STAG1: variants seen among roughly 807,000 people sequenced by gnomAD.
The protein encoded by STAG1 is STAG1 cohesin complex component, also known as cohesin subunit SA-1.
In STAG1, 26 loss-of-function variants were observed where a neutral mutation model predicts 170.9. The observed-to-expected ratio is 0.15, with a 90% CI of 0.11 to 0.21. STAG1 has a LOEUF of 0.21. STAG1 is among the 10% of genes least tolerant of loss of function. The pLI is 1.00. For missense variants in STAG1, 964 were observed against 1,509.5 expected (o/e 0.64, Z 5.99); for synonymous variants, 514 against 497.7 (o/e 1.03, Z -0.44).
At chr3:136,665,193 G>A (rs1941714579) in intron 1 of STAG1, among the ~76,000 whole-genome samples, 1 of 152,158 alleles carries the variant, frequency 6.6e-6, no homozygotes, top group African/African-American at 2.4e-5. Flanking sequence ...ATCTAGATGT[G>A]AGATTAAGGA....
At chr3:136,682,564 T>C (rs756989176) in intron 1 of STAG1, among the ~76,000 whole-genome samples, 4 of 151,850 alleles carry the variant, frequency 2.6e-5, no homozygotes, top group Admixed American at 6.6e-5. Flanking sequence ...ATACAAAAAT[T>C]ACCAAAAATT....
At chr3:136,398,863 A>T in intron 21 of STAG1, 34 bp from the exon 22 acceptor site, 1 of 1,309,390 alleles carries the variant, frequency 7.6e-7, no homozygotes. Context: ...TTTTAATGAA[A>T]AATTCAAAAA....
chr3:136,718,796 G>C (rs112689328), intron 1 of STAG1, among the ~76,000 whole-genome samples: 5 of 151,912 alleles, frequency 3.3e-5, no homozygotes, highest in African/African-American at 1.2e-4. Flanking sequence ...GTGTGGTGGG[G>C]GGGGCCTGTA....
intron 5 of STAG1, among the ~76,000 whole-genome samples, chr3:136,561,914 T>A (rs1289694232): frequency 6.6e-6 from 1 of 152,118 alleles, no homozygotes; most frequent in Non-Finnish European, 1.5e-5. Context: ...CCACCCAAAT[T>A]CTTCAGATGT....
rs1937522915 is a variant in STAG1, at chr3:136,375,003, G to A, written c.2370+2657C>T. ...ATAATTATCTATACTACTCAGTATAGTATTATACAGTACAGGATCATAGCC... is the reference window on the plus strand; with the variant it reads ...ATAATTATCTATACTACTCAGTATAATATTATACAGTACAGGATCATAGCC... On this transcript the variant is annotated intron_variant, in intron 23 of 33. Transcript: ENST00000383202. Among the ~76,000 whole-genome samples, 3 of 152,180 alleles carry A rather than the reference G, an allele frequency of 2.0e-5. No individual in the cohort carries two copies. The South Asian group carries it at 6.2e-4, about 32-fold the overall frequency.
intron 1 of STAG1, among the ~76,000 whole-genome samples, chr3:136,672,475 T>A (rs534806894): frequency 6.6e-6 from 1 of 152,326 alleles, no homozygotes; most frequent in East Asian, 1.9e-4. Context: ...TAAACAAGCA[T>A]CTAGGAGTAT....
chr3:136,599,155 C>T (rs1443048167), intron 4 of STAG1, among the ~76,000 whole-genome samples: 1 of 152,036 alleles, frequency 6.6e-6, no homozygotes, highest in Non-Finnish European at 1.5e-5. Context: ...CAGCACTATT[C>T]ATAATAGGAA....
At chr3:136,498,192 TA>T (rs71157387) in intron 9 of STAG1, among the ~76,000 whole-genome samples, 18,083 of 59,948 alleles carry the variant, frequency 0.3, 3,085 homozygotes, top group South Asian at 0.42. Context: ...AACTCCATCT[TA>T]AAAAAAAAAA....
intron 10 of STAG1, among the ~76,000 whole-genome samples, chr3:136,475,136 T>TC (rs751554100): frequency 7.7e-6 from 1 of 130,502 alleles, no homozygotes. Context: ...TTTTATAGGT[T>TC]CCTTTTTTTT....
At chr3:136,528,042 C>A (rs546431714) in intron 6 of STAG1, among the ~76,000 whole-genome samples, 2 of 152,162 alleles carry the variant, frequency 1.3e-5, no homozygotes, top group Non-Finnish European at 2.9e-5. Flanking sequence ...AGGGACCCAC[C>A]TGAGGAGGCA....
At chr3:136,517,250 GA>G (rs1934424888) in intron 7 of STAG1, among the ~76,000 whole-genome samples, 3 of 151,832 alleles carry the variant, frequency 2.0e-5, no homozygotes, top group Admixed American at 1.3e-4. Context: ...TTTTAGGAGG[GA>G]AAAAAGAGAA....
intron 7 of STAG1, chr3:136,518,441 CT>C: frequency 1.4e-6 from 1 of 699,556 alleles, no homozygotes; most frequent in Non-Finnish European, 2.6e-6. Flanking sequence ...AAATGATTAT[CT>C]TTTAATCTAT....
chr3:136,633,717 G>T (rs911018011), intron 1 of STAG1, among the ~76,000 whole-genome samples: 1 of 139,636 alleles, frequency 7.2e-6, no homozygotes, highest in Non-Finnish European at 1.6e-5. Context: ...AAAAGGGGGG[G>T]GGGGGGGTCA....
intron 28 of STAG1, 71 bp downstream of exon 28, chr3:136,357,649 A>C (rs1274310012): frequency 2.7e-5 from 34 of 1,245,144 alleles, no homozygotes; most frequent in Non-Finnish European, 3.7e-5. Flanking sequence ...AATGATTAAA[A>C]ATTTTTCAAA....
chr3:136,749,372 T>C (rs1490152985), intron 1 of STAG1, among the ~76,000 whole-genome samples: 1 of 152,192 alleles, frequency 6.6e-6, no homozygotes, highest in Admixed American at 6.5e-5. Flanking sequence ...AGAGCAGTCC[T>C]TGGCCAACAG....
chr3:136,615,451 A>AAAAAG (rs1939541238), intron 3 of STAG1, among the ~76,000 whole-genome samples: 1 of 142,802 alleles, frequency 7.0e-6, no homozygotes, highest in Admixed American at 6.9e-5. Flanking sequence ...AAAAAAAAAA[A>AAAAAG]GGAGTGGGGG....
In STAG1 at chr3:136,751,886, G is replaced by A. The variant is rs532514026; in HGVS notation, c.-84+309C>T. 1.7e-4 allele frequency among the ~76,000 whole-genome samples: 25 copies of A among 150,860 alleles called. No individual in the cohort carries two copies. In the East Asian group the frequency reaches 4.5e-3, roughly 27 times the overall value. On this transcript the variant is annotated intron_variant, in intron 1 of 33. Coordinates refer to ENST00000383202, the MANE Select transcript of STAG1 (RefSeq NM_005862.3). ...TTCCGCGCCTGTCGCCGTAGTGCCC[G>A]GGCGGGCGGGGGCAAAATTTTTGGT...
chr3:136,624,780 T>C (rs1940022761), intron 2 of STAG1, among the ~76,000 whole-genome samples: 2 of 152,192 alleles, frequency 1.3e-5, no homozygotes, highest in African/African-American at 4.8e-5. Context: ...CCATAGCCAA[T>C]TTCAAATGAC....
chr3:136,744,761 C>T (rs148848953), intron 1 of STAG1, among the ~76,000 whole-genome samples: 2 of 151,386 alleles, frequency 1.3e-5, no homozygotes, highest in East Asian at 1.9e-4. Context: ...CTGCAACCTC[C>T]GCCTCCAGAG....
Sources: allele counts gnomAD v4.1 joint callset (sites outside exome capture counted in the v4.1 genomes callset), GRCh38; gene constraint gnomAD v4.1.1; transcripts MANE v1.5; gene names NCBI Gene and HGNC (gene_info 2026-07-23, HGNC 2026-07-21).